Variants in BTBD16 observed in about 807,000 individuals in gnomAD.
BTBD16 encodes BTB domain containing 16.
BTBD16 carries 66 observed loss-of-function variants against 67.4 expected under a neutral mutation model. The observed-to-expected ratio is 0.98, with a 90% CI of 0.80 to 1.20. The LOEUF is 1.20. Ranked by LOEUF, BTBD16 falls within the 50% of genes most tolerant of loss-of-function variation. The pLI, the probability that BTBD16 is intolerant of heterozygous loss-of-function variation, is 0.00. For synonymous variants in BTBD16, 242 were observed against 236.4 expected (o/e 1.02, Z -0.22); for missense variants, 634 against 616.0 (o/e 1.03, Z -0.31).
chr10:122,279,191 A>G (rs187673930), intron 3 of BTBD16, among the ~76,000 whole-genome samples: 126 of 151,958 alleles, frequency 8.3e-4, no homozygotes, highest in Non-Finnish European at 1.1e-3. Context: ...AATAAACACA[A>G]ACTTGTCTGG....
intron 3 of BTBD16, among the ~76,000 whole-genome samples, chr10:122,283,535 G>A (rs2096357216): frequency 3.3e-5 from 5 of 152,202 alleles, no homozygotes; most frequent in Admixed American, 3.3e-4. Flanking sequence ...TTTACTGAGT[G>A]TCTACTATAT....
intron 6 of BTBD16, 58 bp from the exon 7 acceptor site, chr10:122,291,022 G>T (rs1436170371): frequency 1.3e-6 from 2 of 1,494,080 alleles, no homozygotes; most frequent in East Asian, 2.5e-5. Context: ...GAGGGCGCTG[G>T]GTGGTGTCCT....
At chr10:122,315,720 A>G (rs1382521569) in intron 10 of BTBD16, among the ~76,000 whole-genome samples, 2 of 152,058 alleles carry the variant, frequency 1.3e-5, no homozygotes, top group Non-Finnish European at 2.9e-5. Context: ...TTTTGTGTCA[A>G]TTTTAGTTAT....
chr10:122,313,325 TGC>T (rs902977949), intron 10 of BTBD16, among the ~76,000 whole-genome samples: 11 of 149,604 alleles, frequency 7.4e-5, no homozygotes, highest in Non-Finnish European at 1.5e-4. Context: ...AGTGTAATGG[TGC>T]GATCTCAGTT....
At chr10:122,274,318 G>A (rs1295613469) in intron 1 of BTBD16, among the ~76,000 whole-genome samples, 1 of 152,222 alleles carries the variant, frequency 6.6e-6, no homozygotes, top group Non-Finnish European at 1.5e-5. Flanking sequence ...TGCATAGATG[G>A]ACTGTGGGAG....
intron 15 of BTBD16, among the ~76,000 whole-genome samples, chr10:122,337,756 A>G (rs913535898): frequency 3.9e-5 from 6 of 152,242 alleles, no homozygotes; most frequent in African/African-American, 1.4e-4. Context: ...TGTCTTGTTC[A>G]GGGTGATGGT....
At position 122,334,911 on chromosome 10, in the gene BTBD16, C is replaced by G. The variant is rs758050293; in HGVS notation, c.1195C>G (p.Leu399Val). The G allele has an allele frequency of 1.5e-5, 24 of 1,572,054 alleles. No individual in the cohort carries two copies. Among genetic ancestry groups the G allele is most frequent in the Non-Finnish European group, 1.8e-5 (21 of 1,145,734 alleles). The change falls in exon 14 of 16, where the codon CTA becomes GTA. Residue 399 changes from leucine to valine, a missense_variant. By Grantham distance (32) the Leu-to-Val change is conservative. Coordinates refer to ENST00000260723, the MANE Select transcript of BTBD16 (RefSeq NM_144587.5). ...TACAACTTATTCGAAAACGATTGCT[C>G]TATATGGATTCTTCTTTAAGATAAA... is the stretch of plus-strand genomic sequence containing the variant. ...ENTTYSKTIA[L>V]YGFFFKIKGL... is the part of the protein sequence containing the mutation.
intron 10 of BTBD16, among the ~76,000 whole-genome samples, chr10:122,317,017 G>A (rs1001302481): frequency 2.6e-5 from 4 of 152,068 alleles, no homozygotes; most frequent in Non-Finnish European, 4.4e-5. Flanking sequence ...TCAAACTCCC[G>A]ACCTCAGGTG....
In BTBD16 at chr10:122,312,060, T is replaced by G. The variant is rs116560915; in HGVS notation, c.911+4752T>G. ...ACATGTTCAGCCACTAGGAATAGTA[T>G]TGCTATATACAACCATGTACATGTC... On this transcript the variant is annotated intron_variant, in intron 10 of 15. Coordinates refer to ENST00000260723, the MANE Select transcript of BTBD16 (RefSeq NM_144587.5). 2.7e-3 allele frequency among the ~76,000 whole-genome samples: 418 copies of G among 152,350 alleles called. 1 individual carries two copies. The highest frequency in any genetic ancestry group is 9.6e-3 in the African/African-American group (401 of 41,580).
Position 122,334,494 on chromosome 10 carries a change from C to CTTT in BTBD16, c.1165-359_1165-357dup, listed in dbSNP as rs869262992. 3.2e-4 allele frequency among the ~76,000 whole-genome samples: 14 copies of CTTT among 43,284 alleles called. 3 individuals carry two copies. The highest frequency in any genetic ancestry group is 1.2e-3 in the African/African-American group (10 of 8,082). 28.4% of individuals were successfully genotyped at this position (43,284 alleles called of 152,430 possible). A position where few individuals can be genotyped will look rare whatever the true frequency, so the allele number is the denominator to read the frequency against. ...ACAGGTGTGAGCCACCGTGCCCGGC[C>CTTT]TTTTTTTTTTTTTTTTTTTTTTTTT... On this transcript the variant is annotated intron_variant, in intron 13 of 15. Transcript: ENST00000260723.
At chr10:122,306,897 A>G (rs1406269956) in intron 9 of BTBD16, among the ~76,000 whole-genome samples, 2 of 152,232 alleles carry the variant, frequency 1.3e-5, no homozygotes, top group African/African-American at 2.4e-5. Flanking sequence ...CATCTTGGGA[A>G]CACCTGGCAC....
intron 7 of BTBD16, chr10:122,294,022 T>G (rs1000313498): frequency 1.7e-6 from 1 of 604,794 alleles, no homozygotes; most frequent in African/African-American, 2.0e-5. Flanking sequence ...GCTTTGCAGC[T>G]AATGAGCCAA....
chr10:122,319,663 CT>C (rs2096432271), intron 10 of BTBD16, among the ~76,000 whole-genome samples: 1 of 151,990 alleles, frequency 6.6e-6, no homozygotes, highest in Non-Finnish European at 1.5e-5. Flanking sequence ...AGTTCTCTAG[CT>C]TTGTTCATTT....
chr10:122,336,685 A>G lies in BTBD16; in HGVS notation c.1452+3A>G. On this transcript the variant is annotated splice_donor_region_variant and intron_variant, in intron 15 of 15. Coordinates refer to ENST00000260723, the MANE Select transcript of BTBD16 (RefSeq NM_144587.5). ...CCACGTCATCCTGCAAAAGCCATGC[A>G]AGTGTTCACGTTGTCTTTTCCTTTA... 1 of 1,575,134 alleles carries G rather than the reference A, an allele frequency of 6.3e-7. No individual in the cohort carries two copies. The highest frequency in any genetic ancestry group is 1.2e-5 in the South Asian group (1 of 84,524).
At chr10:122,293,066 G>A (rs185260326) in intron 7 of BTBD16, among the ~76,000 whole-genome samples, 312 of 152,322 alleles carry the variant, frequency 2.0e-3, no homozygotes, top group African/African-American at 7.1e-3. Flanking sequence ...GTCCTGAAGA[G>A]AGAGGTGGTA....
In BTBD16 at chr10:122,335,842, C is replaced by T. The variant is rs553506718; in HGVS notation, c.1264-652C>T. On this transcript the variant is annotated intron_variant, in intron 14 of 15. Coordinates refer to ENST00000260723, the MANE Select transcript of BTBD16 (RefSeq NM_144587.5). Reference sequence around the variant, plus strand: ...TTATTACTACTGCCAATCACAGTACCGAGAACATAGAGGAGCTTTATTTTT... The same window carrying T: ...TTATTACTACTGCCAATCACAGTACTGAGAACATAGAGGAGCTTTATTTTT... Among the ~76,000 whole-genome samples the T allele has an allele frequency of 6.6e-5, 10 of 152,166 alleles. No individual in the cohort carries two copies. In the South Asian group the frequency reaches 1.0e-3, roughly 16 times the overall value.
chr10:122,296,683 G>A (rs1169082453), intron 7 of BTBD16, among the ~76,000 whole-genome samples: 1 of 152,156 alleles, frequency 6.6e-6, no homozygotes, highest in Admixed American at 6.5e-5. Flanking sequence ...CATTCACCTC[G>A]GCTCATGCCC....
Position 122,306,555 on chromosome 10 carries a change from C to T in BTBD16, c.792-634C>T, listed in dbSNP as rs1241811522. Among the ~76,000 whole-genome samples the T allele has an allele frequency of 2.0e-5, 3 of 152,148 alleles. No homozygotes were observed. The East Asian group carries it at 5.8e-4, about 29-fold the overall frequency. Reference sequence around the variant, plus strand: ...GTGAGGAACTGAGATTCTAACCTGCCCTATACCCAGGTCTGAGCCCAGAAT... The same window carrying T: ...GTGAGGAACTGAGATTCTAACCTGCTCTATACCCAGGTCTGAGCCCAGAAT... On this transcript the variant is annotated intron_variant, in intron 9 of 15. Transcript: ENST00000260723.
intron 15 of BTBD16, among the ~76,000 whole-genome samples, chr10:122,337,301 G>A (rs1299380405): frequency 6.6e-6 from 1 of 152,192 alleles, no homozygotes; most frequent in Non-Finnish European, 1.5e-5. Context: ...TCGGGCCAGG[G>A]TATCAGTATT....
Sources: allele counts gnomAD v4.1 joint callset (sites outside exome capture counted in the v4.1 genomes callset), GRCh38; gene constraint gnomAD v4.1.1; transcripts MANE v1.5; gene names NCBI Gene and HGNC (gene_info 2026-07-23, HGNC 2026-07-21).